The following CHAF1B variants were observed in gnomAD, a reference collection of about 807,000 sequenced individuals.
CHAF1B encodes chromatin assembly factor 1 subunit B.
In CHAF1B, 10 loss-of-function variants were observed where a neutral mutation model predicts 60.7. The observed-to-expected ratio is 0.16, with a 90% CI of 0.10 to 0.28. CHAF1B has a LOEUF of 0.28. CHAF1B is among the 10% of genes least tolerant of loss of function. The probability of loss-of-function intolerance (pLI) is 1.00; values close to 1 mark genes in which losing one functional copy is unlikely to be tolerated. For synonymous variants in CHAF1B, 261 were observed against 266.1 expected, an observed-to-expected ratio of 0.98 and a Z score of 0.19; for missense variants, 558 against 708.4, an observed-to-expected ratio of 0.79 and a Z score of 2.41.
chr21:36,402,525 A>C (rs1447015825), intron 7 of CHAF1B, among the ~76,000 whole-genome samples: 2 of 152,224 alleles, frequency 1.3e-5, no homozygotes, highest in African/African-American at 2.4e-5. Context: ...ATGTGTGGTC[A>C]GTTTTCATGA....
intron 5 of CHAF1B, among the ~76,000 whole-genome samples, chr21:36,396,269 G>A (rs2086136797): frequency 6.7e-6 from 1 of 148,200 alleles, no homozygotes; most frequent in Admixed American, 6.8e-5. Context: ...CAAAGTGCTG[G>A]GATTACAGGC....
intron 6 of CHAF1B, 195 bp downstream of exon 6, chr21:36,397,706 G>A (rs1311576242): frequency 9.4e-6 from 2 of 212,562 alleles, no homozygotes; most frequent in Non-Finnish European, 1.8e-5. Flanking sequence ...CACGAAGTTT[G>A]TACTTAGTAA....
At chr21:36,400,995 C>G (rs925662477) in intron 7 of CHAF1B, among the ~76,000 whole-genome samples, 1 of 151,888 alleles carries the variant, frequency 6.6e-6, no homozygotes, top group Non-Finnish European at 1.5e-5. Flanking sequence ...TTCCCGGGTG[C>G]GGTGGCTCAG....
chr21:36,405,501 A>G (rs949330073), intron 8 of CHAF1B, among the ~76,000 whole-genome samples: 6 of 152,064 alleles, frequency 3.9e-5, no homozygotes, highest in African/African-American at 1.4e-4. Flanking sequence ...ATCATGGCCC[A>G]CTGCATCAGC....
chr21:36,387,389 T>G (rs976145552), intron 2 of CHAF1B, among the ~76,000 whole-genome samples: 4 of 151,986 alleles, frequency 2.6e-5, no homozygotes, highest in Admixed American at 1.3e-4. Flanking sequence ...CTTGGCTAAT[T>G]TTTTAAATTT....
chr21:36,407,720 G>A (rs569103378), intron 8 of CHAF1B, among the ~76,000 whole-genome samples: 2 of 152,150 alleles, frequency 1.3e-5, no homozygotes, highest in Admixed American at 1.3e-4. Flanking sequence ...ACTCACGCCT[G>A]TAATCCCAGC....
intron 4 of CHAF1B, among the ~76,000 whole-genome samples, chr21:36,393,469 TA>T (rs1363862096): frequency 9.7e-5 from 14 of 144,062 alleles, no homozygotes; most frequent in African/African-American, 2.9e-4. Flanking sequence ...TTTTTTTTTT[TA>T]GATGGAGTTT....
intron 8 of CHAF1B, among the ~76,000 whole-genome samples, chr21:36,403,987 G>A (rs955349773): frequency 3.9e-5 from 6 of 152,126 alleles, no homozygotes; most frequent in Non-Finnish European, 7.3e-5. Context: ...GAACATGTGC[G>A]AATGACACTT....
intron 5 of CHAF1B, among the ~76,000 whole-genome samples, chr21:36,396,270 G>A (rs2086136824): frequency 6.9e-6 from 1 of 145,530 alleles, no homozygotes. Flanking sequence ...AAAGTGCTGG[G>A]ATTACAGGCA....
At chr21:36,392,379 C>CT (rs2086096735) in intron 4 of CHAF1B, among the ~76,000 whole-genome samples, 1 of 152,216 alleles carries the variant, frequency 6.6e-6, no homozygotes, top group South Asian at 2.1e-4. Context: ...CACATTTCCC[C>CT]TTTTTCTATT....
chr21:36,389,800 T>TGCGTGTGCGCGCGCGCGCGCGC (rs1555911825), intron 3 of CHAF1B, among the ~76,000 whole-genome samples: 4 of 124,746 alleles, frequency 3.2e-5, no homozygotes, highest in African/African-American at 1.4e-4. Flanking sequence ...TGTGTGTGTG[T>TGCGTGTGCGCGCGCGCGCGCGC]GCGCGCGCAC....
intron 8 of CHAF1B, among the ~76,000 whole-genome samples, chr21:36,403,332 C>T (rs1684452714): frequency 6.6e-6 from 1 of 151,580 alleles, no homozygotes. Flanking sequence ...GGCGCATACC[C>T]TGTAATCCCA....
At chr21:36,391,715 C>T (rs761762874) in intron 4 of CHAF1B, 47 bp downstream of exon 4, 4 of 1,187,350 alleles carry the variant, frequency 3.4e-6, no homozygotes, top group Admixed American at 1.7e-5. Flanking sequence ...ACGATGAGTG[C>T]ATTAAATGGA....
chr21:36,397,584 C>T (rs1180806554), intron 6 of CHAF1B, 73 bp downstream of exon 6: 4 of 715,484 alleles, frequency 5.6e-6, no homozygotes, highest in Non-Finnish European at 4.6e-6. Flanking sequence ...AGGTATTTAT[C>T]GTAACTTAGC....
chr21:36,412,168 G>A (rs2086282595), intron 11 of CHAF1B, among the ~76,000 whole-genome samples: 1 of 152,232 alleles, frequency 6.6e-6, no homozygotes, highest in Non-Finnish European at 1.5e-5. Flanking sequence ...TTGATAAACT[G>A]AGGGGAGGCC....
chr21:36,413,057 G>T lies in CHAF1B; in HGVS notation c.1235G>T (p.Gly412Val). The change falls in exon 12 of 14, where the codon GGA becomes GTA. Residue 412 changes from glycine to valine, a missense_variant. By Grantham distance (109) the Gly-to-Val change is moderately radical (BLOSUM62 -3). Around this residue, in one of 2 missense-constraint regions of CHAF1B, gnomAD observed 233 missense variants for 214.9 expected, o/e 1.08. Coordinates refer to ENST00000314103, the MANE Select transcript of CHAF1B (RefSeq NM_005441.3). ...CAGACACATCGAGGGTCTTCGCCAG[G>T]ACCCAGACCGGTAGAGGGAACCCCT... ...KSQTHRGSSP[G>V]PRPVEGTPAS... 2 of 1,614,080 alleles carry T rather than the reference G, an allele frequency of 1.2e-6. No homozygotes were observed. The highest frequency in any genetic ancestry group is 8.5e-7 in the Non-Finnish European group (1 of 1,180,024).
intron 10 of CHAF1B, among the ~76,000 whole-genome samples, chr21:36,411,126 T>C (rs2146375776): frequency 6.6e-6 from 1 of 151,270 alleles, no homozygotes; most frequent in African/African-American, 2.4e-5. Context: ...CTTTTTTTTT[T>C]TTTTTGTGAC....
At chr21:36,391,476 A>AG (rs1407776843) in intron 3 of CHAF1B, 75 bp from the exon 4 acceptor site, 1 of 1,015,090 alleles carries the variant, frequency 9.9e-7, no homozygotes, top group African/African-American at 1.7e-5. Flanking sequence ...AAAAAAAAAA[A>AG]AAAATGAAAA....
At chr21:36,388,612 G>T (rs956904363) in intron 3 of CHAF1B, among the ~76,000 whole-genome samples, 2 of 151,718 alleles carry the variant, frequency 1.3e-5, no homozygotes, top group Non-Finnish European at 2.9e-5. Context: ...GATTACAGGC[G>T]CCTGCCACCA....
Sources: gnomAD v4.1 joint callset for allele counts (sites outside exome capture counted in the v4.1 genomes callset) on GRCh38, gnomAD v4.1.1 for gene constraint, gnomAD v4.1.1 regional missense constraint, MANE v1.5 for transcripts, NCBI Gene and HGNC (gene_info 2026-07-23, HGNC 2026-07-21) for gene names.